Variants in KCNMA1 observed in about 807,000 individuals in gnomAD.
KCNMA1 encodes the protein Calcium-activated potassium channel subunit alpha-1.
In KCNMA1, 29 loss-of-function variants were observed where a neutral mutation model predicts 140.0. The observed-to-expected ratio is 0.21, with a 90% CI of 0.15 to 0.28. KCNMA1 has a LOEUF of 0.28. KCNMA1 is among the 10% of genes least tolerant of loss of function. The probability of loss-of-function intolerance (pLI) is 1.00; values close to 1 mark genes in which losing one functional copy is unlikely to be tolerated. For missense variants in KCNMA1, 880 were observed against 1,602.2 expected, an observed-to-expected ratio of 0.55 and a Z score of 7.70; for synonymous variants, 612 against 611.9, an observed-to-expected ratio of 1.00 and a Z score of 0.00.
intron 1 of KCNMA1, among the ~76,000 whole-genome samples, chr10:77,532,957 C>A (rs2058037503): frequency 6.6e-6 from 1 of 152,214 alleles, no homozygotes; most frequent in Non-Finnish European, 1.5e-5. Context: ...AACCTGAAAT[C>A]ACTCTCTTCC....
intron 1 of KCNMA1, among the ~76,000 whole-genome samples, chr10:77,600,487 G>A (rs750687843): frequency 1.3e-5 from 2 of 152,182 alleles, no homozygotes; most frequent in East Asian, 1.9e-4. Context: ...AGTGGCTTAT[G>A]CCTATAATTC....
At chr10:76,948,167 G>A (rs56325337) in intron 22 of KCNMA1, among the ~76,000 whole-genome samples, 7 of 151,792 alleles carry the variant, frequency 4.6e-5, no homozygotes, top group Non-Finnish European at 7.4e-5. Context: ...ACCACATCAG[G>A]CTAATTTTTT....
intron 1 of KCNMA1, among the ~76,000 whole-genome samples, chr10:77,618,027 G>A (rs767581605): frequency 7.9e-5 from 12 of 152,132 alleles, no homozygotes; most frequent in South Asian, 2.1e-4. Context: ...GTGGGTAGAC[G>A]TGATGTGAAT....
Position 76,892,448 on chromosome 10 carries a change from A to G in KCNMA1, c.3148-729T>C, listed in dbSNP as rs150234093. On this transcript the variant is annotated intron_variant, in intron 25 of 27. Transcript: ENST00000286628. ...AAGAATGGGAGTTTAAAAAAAATTAATAGGATGTCAAATAAAGGAGCTTTA... is the reference window on the plus strand; with the variant it reads ...AAGAATGGGAGTTTAAAAAAAATTAGTAGGATGTCAAATAAAGGAGCTTTA... 2.0e-5 allele frequency among the ~76,000 whole-genome samples: 3 copies of G among 152,334 alleles called. No homozygotes were observed. In the East Asian group the frequency reaches 5.8e-4, roughly 29 times the overall value.
At chr10:76,956,330 A>G (rs891705169) in intron 20 of KCNMA1, among the ~76,000 whole-genome samples, 3 of 152,178 alleles carry the variant, frequency 2.0e-5, no homozygotes, top group East Asian at 1.9e-4. Context: ...AGCTCAAGCC[A>G]TGGTTTGCAA....
chr10:76,914,147 TAC>T, intron 24 of KCNMA1: 1 of 1,545,910 alleles, frequency 6.5e-7, no homozygotes, highest in South Asian at 1.2e-5. Context: ...GCTAATTGGA[TAC>T]AGCATTTAAG....
chr10:77,363,810 G>C (rs2154403130), intron 2 of KCNMA1, among the ~76,000 whole-genome samples: 1 of 152,100 alleles, frequency 6.6e-6, no homozygotes, highest in African/African-American at 2.4e-5. Flanking sequence ...CTCAAATGTT[G>C]CCTCCTCAAG....
chr10:77,304,821 C>T (rs1040332721), intron 2 of KCNMA1, among the ~76,000 whole-genome samples: 9 of 152,212 alleles, frequency 5.9e-5, no homozygotes, highest in South Asian at 2.1e-4. Flanking sequence ...TCCCACACCC[C>T]GTGTGCAGCA....
intron 1 of KCNMA1, among the ~76,000 whole-genome samples, chr10:77,497,891 G>A (rs1432387608): frequency 6.6e-6 from 1 of 152,182 alleles, no homozygotes. Flanking sequence ...GGCAGTGGAG[G>A]GAGAAGGATG....
intron 2 of KCNMA1, among the ~76,000 whole-genome samples, chr10:77,391,672 G>A (rs1303358787): frequency 6.6e-6 from 1 of 151,816 alleles, no homozygotes; most frequent in African/African-American, 2.4e-5. Flanking sequence ...CCTCACTCTG[G>A]ACCCAGAGTC....
At chr10:77,078,463 T>C (rs1445689254) in intron 13 of KCNMA1, among the ~76,000 whole-genome samples, 1 of 152,250 alleles carries the variant, frequency 6.6e-6, no homozygotes, top group Non-Finnish European at 1.5e-5. Context: ...ACTTTTGTCT[T>C]CTTTCTAATC....
At chr10:76,940,477 C>T (rs1025218782) in intron 23 of KCNMA1, among the ~76,000 whole-genome samples, 8 of 152,192 alleles carry the variant, frequency 5.3e-5, no homozygotes, top group Non-Finnish European at 1.0e-4. Context: ...CATAGGGTTG[C>T]ATGCATATTC....
chr10:76,991,828 A>G (rs1035453491), intron 19 of KCNMA1, among the ~76,000 whole-genome samples: 6 of 152,182 alleles, frequency 3.9e-5, no homozygotes, highest in African/African-American at 1.4e-4. Context: ...GAAAGCTGAC[A>G]TTGGCCAAAA....
chr10:77,058,367 A>G (rs2095619387), intron 14 of KCNMA1, among the ~76,000 whole-genome samples: 1 of 152,144 alleles, frequency 6.6e-6, no homozygotes, highest in African/African-American at 2.4e-5. Context: ...ACAGGAAATC[A>G]GCAAGGGTAT....
chr10:77,002,424 C>T (rs2086781696), intron 18 of KCNMA1, among the ~76,000 whole-genome samples: 1 of 152,170 alleles, frequency 6.6e-6, no homozygotes, highest in Non-Finnish European at 1.5e-5. Flanking sequence ...CTCTCCCCAC[C>T]AAATAGAAAT....
chr10:77,537,719 T>C (rs1158352825), intron 1 of KCNMA1, among the ~76,000 whole-genome samples: 3 of 152,102 alleles, frequency 2.0e-5, no homozygotes, highest in Non-Finnish European at 2.9e-5. Context: ...CAATCTATTA[T>C]TGTGACTATA....
intron 1 of KCNMA1, among the ~76,000 whole-genome samples, chr10:77,462,628 G>C (rs1217847721): frequency 6.6e-6 from 1 of 152,210 alleles, no homozygotes; most frequent in Non-Finnish European, 1.5e-5. Context: ...AGACATGGGA[G>C]CTTTCCCTGG....
intron 23 of KCNMA1, among the ~76,000 whole-genome samples, chr10:76,928,995 T>C (rs544243700): frequency 5.3e-4 from 80 of 152,338 alleles, no homozygotes; most frequent in African/African-American, 1.8e-3. Context: ...TTTGATTTAA[T>C]ATTTCATAAG....
chr10:77,017,132 A>T (rs2092202666), intron 17 of KCNMA1, among the ~76,000 whole-genome samples: 1 of 152,198 alleles, frequency 6.6e-6, no homozygotes, highest in Non-Finnish European at 1.5e-5. Context: ...TCCCTAATAT[A>T]GGAGGTAATT....
Sources: allele counts gnomAD v4.1 joint callset (sites outside exome capture counted in the v4.1 genomes callset), GRCh38; gene constraint gnomAD v4.1.1; transcripts MANE v1.5; gene names NCBI Gene and HGNC (gene_info 2026-07-23, HGNC 2026-07-21).